Variants in KCNB2 observed in about 807,000 individuals in gnomAD.
KCNB2 encodes potassium voltage-gated channel subfamily B member 2, also known as delayed rectifier potassium channel protein.
KCNB2 carries 15 observed loss-of-function variants against 61.5 expected under a neutral mutation model. The ratio of observed to expected loss-of-function variants is 0.24; its 90% CI spans 0.16 to 0.38. KCNB2 has a LOEUF of 0.38. Ranked by LOEUF, KCNB2 falls within the 10% of genes least tolerant of loss-of-function variation. KCNB2 has a pLI of 1.00. For synonymous variants in KCNB2, 457 were observed against 446.0 expected, an observed-to-expected ratio of 1.02 and a Z score of -0.31; for missense variants, 828 against 1,125.2, an observed-to-expected ratio of 0.74 and a Z score of 3.78.
At chr8:72,560,042 G>A (rs1410163806) in intron 1 of KCNB2, among the ~76,000 whole-genome samples, 1 of 152,144 alleles carries the variant, frequency 6.6e-6, no homozygotes, top group Non-Finnish European at 1.5e-5. Context: ...TAATACTTAA[G>A]TCATAGAGAC....
intron 2 of KCNB2, among the ~76,000 whole-genome samples, chr8:72,816,195 G>A (rs1345538383): frequency 2.0e-5 from 3 of 152,116 alleles, no homozygotes; most frequent in Admixed American, 2.0e-4. Context: ...ACAGATTTCT[G>A]CAAAATGTGA....
At chr8:72,652,975 C>CT (rs1224059891) in intron 2 of KCNB2, among the ~76,000 whole-genome samples, 1 of 152,072 alleles carries the variant, frequency 6.6e-6, no homozygotes, top group Admixed American at 6.6e-5. Context: ...TCTCTCCTAG[C>CT]TTCTGGTGTT....
chr8:72,872,522 C>A (rs931744854), intron 2 of KCNB2, among the ~76,000 whole-genome samples: 2 of 152,152 alleles, frequency 1.3e-5, no homozygotes, highest in African/African-American at 4.8e-5. Flanking sequence ...GAAGAAACTT[C>A]CCCCAGAAGG....
intron 2 of KCNB2, among the ~76,000 whole-genome samples, chr8:72,871,105 TG>T (rs554866400): frequency 2.8e-4 from 42 of 152,370 alleles, no homozygotes; most frequent in African/African-American, 1.0e-3. Flanking sequence ...TTAAATTTTC[TG>T]AATCTTAGTT....
chr8:72,863,580 T>C (rs1025596592), intron 2 of KCNB2, among the ~76,000 whole-genome samples: 3 of 152,236 alleles, frequency 2.0e-5, no homozygotes, highest in Non-Finnish European at 4.4e-5. Flanking sequence ...TGTGTCATCA[T>C]TAGTGGTCAG....
At position 72,537,237 on chromosome 8, in the gene KCNB2, G is replaced by C. The variant is rs1806122622; in HGVS notation, c.-742G>C. Among the ~76,000 whole-genome samples, 1 of 151,132 alleles carries C rather than the reference G, an allele frequency of 6.6e-6. No homozygotes were observed. The highest frequency in any genetic ancestry group is 6.6e-5 in the Admixed American group (1 of 15,166). The stretch of plus-strand genomic sequence containing the variant: ...GGCTGGGGTGGCCGCAGCCCTGTGT[G>C]CGCGCCGGGCCGGCTAGCTGCGGGG... On this transcript the variant is annotated 5_prime_UTR_variant, in exon 1 of 3. Transcript: ENST00000523207.
intron 1 of KCNB2, among the ~76,000 whole-genome samples, chr8:72,546,470 T>C (rs1048619458): frequency 2.6e-5 from 4 of 151,228 alleles, no homozygotes; most frequent in African/African-American, 9.8e-5. Context: ...TGAGCCGAGA[T>C]TGCACCACTG....
intron 2 of KCNB2, among the ~76,000 whole-genome samples, chr8:72,888,028 TTACTGCTTTAATCG>T (rs1805834835): frequency 6.6e-6 from 1 of 152,278 alleles, no homozygotes; most frequent in African/African-American, 2.4e-5. Context: ...GGCAAGAGCC[TTACTGCTTTAATCG>T]TGTTTTGCAC....
chr8:72,873,193 G>A (rs2129004899), intron 2 of KCNB2, among the ~76,000 whole-genome samples: 1 of 152,312 alleles, frequency 6.6e-6, no homozygotes, highest in South Asian at 2.1e-4. Flanking sequence ...AAACTTGAGA[G>A]TAAGCCAGAA....
intron 2 of KCNB2, among the ~76,000 whole-genome samples, chr8:72,596,911 C>A (rs1335168116): frequency 6.8e-6 from 1 of 146,934 alleles, no homozygotes; most frequent in Non-Finnish European, 1.5e-5. Flanking sequence ...GGTTTATTTT[C>A]TGCTGATGTT....
chr8:72,584,113 A>G (rs75198022), intron 2 of KCNB2, among the ~76,000 whole-genome samples: 5 of 150,364 alleles, frequency 3.3e-5, no homozygotes, highest in Non-Finnish European at 7.4e-5. Context: ...AAACAAAAAA[A>G]AACAGAAAAA....
At chr8:72,627,197 G>T (rs1805803995) in intron 2 of KCNB2, among the ~76,000 whole-genome samples, 1 of 152,162 alleles carries the variant, frequency 6.6e-6, no homozygotes, top group African/African-American at 2.4e-5. Flanking sequence ...ACTCATTCAT[G>T]AAAGCAGATT....
chr8:72,823,998 T>C (rs1382130364), intron 2 of KCNB2, among the ~76,000 whole-genome samples: 1 of 152,184 alleles, frequency 6.6e-6, no homozygotes, highest in African/African-American at 2.4e-5. Context: ...ACAATAAGCC[T>C]TTTTTAAATT....
intron 2 of KCNB2, among the ~76,000 whole-genome samples, chr8:72,703,049 C>G (rs1807161273): frequency 6.6e-6 from 1 of 152,180 alleles, no homozygotes. Flanking sequence ...TTTCATCTTG[C>G]TGGAGCAACA....
chr8:72,693,938 A>G (rs1585834406), intron 2 of KCNB2, among the ~76,000 whole-genome samples: 1 of 152,234 alleles, frequency 6.6e-6, no homozygotes, highest in South Asian at 2.1e-4. Context: ...CTTAAACTAC[A>G]GGAACACTTA....
chr8:72,739,391 T>C (rs1807906205), intron 2 of KCNB2, among the ~76,000 whole-genome samples: 1 of 151,942 alleles, frequency 6.6e-6, no homozygotes, highest in South Asian at 2.1e-4. Context: ...ATTAGACGAG[T>C]AGAGAAGTTT....
chr8:72,626,660 A>G (rs1160133245), intron 2 of KCNB2, among the ~76,000 whole-genome samples: 2 of 152,192 alleles, frequency 1.3e-5, no homozygotes, highest in Admixed American at 1.3e-4. Flanking sequence ...AAACCTTAGA[A>G]AGCCTAAGAC....
intron 2 of KCNB2, among the ~76,000 whole-genome samples, chr8:72,739,922 A>C (rs938798492): frequency 1.8e-4 from 28 of 152,170 alleles, no homozygotes; most frequent in Non-Finnish European, 4.0e-4. Context: ...AATACTGTAC[A>C]CAAAACAGAC....
intron 2 of KCNB2, among the ~76,000 whole-genome samples, chr8:72,884,585 A>G (rs953648210): frequency 3.9e-5 from 6 of 152,190 alleles, no homozygotes; most frequent in Non-Finnish European, 8.8e-5. Flanking sequence ...TTCAAATTTC[A>G]CTTCTCACAT....
Sources: gnomAD v4.1 joint callset for allele counts (sites outside exome capture counted in the v4.1 genomes callset) on GRCh38, gnomAD v4.1.1 for gene constraint, MANE v1.5 for transcripts, NCBI Gene and HGNC (gene_info 2026-07-23, HGNC 2026-07-21) for gene names.